LRRC4C: variants seen among roughly 807,000 people sequenced by gnomAD.
The protein encoded by LRRC4C is leucine rich repeat containing 4C, also known as leucine-rich repeat-containing protein 4C.
Under a neutral mutation model 33.6 loss-of-function variants are expected in LRRC4C, and 5 were observed. That is an observed-to-expected ratio of 0.15 (90% CI 0.08 to 0.31). The LOEUF (loss-of-function observed/expected upper bound fraction) is 0.31, where lower values mean the gene tolerates loss of function less well. LRRC4C is among the 10% of genes least tolerant of loss of function. LRRC4C has a pLI of 1.00. For missense variants in LRRC4C, 560 were observed against 796.7 expected (o/e 0.70, Z 3.58); for synonymous variants, 329 against 302.0 (o/e 1.09, Z -0.93).
intron 1 of LRRC4C, among the ~76,000 whole-genome samples, chr11:41,397,429 T>C (rs1222421959): frequency 2.0e-5 from 3 of 152,092 alleles, no homozygotes; most frequent in East Asian, 3.9e-4. Flanking sequence ...TTATCTTCCT[T>C]ATAATTTTCT....
chr11:41,039,339 T>C (rs1285398420), intron 1 of LRRC4C, among the ~76,000 whole-genome samples: 1 of 152,212 alleles, frequency 6.6e-6, no homozygotes, highest in Non-Finnish European at 1.5e-5. Context: ...ATGACCTTTT[T>C]TGTGTACAAA....
intron 1 of LRRC4C, among the ~76,000 whole-genome samples, chr11:41,265,857 C>T (rs1949131804): frequency 8.5e-6 from 1 of 118,026 alleles, no homozygotes; most frequent in African/African-American, 3.3e-5. Flanking sequence ...GGATGTAATG[C>T]CCATGGGTCT....
intron 1 of LRRC4C, among the ~76,000 whole-genome samples, chr11:40,963,596 A>T (rs1175851666): frequency 2.6e-5 from 4 of 151,784 alleles, no homozygotes; most frequent in African/African-American, 9.7e-5. Flanking sequence ...GCCTGTAAAG[A>T]ATTATTTTTC....
At chr11:41,078,372 A>G (rs572523582) in intron 1 of LRRC4C, among the ~76,000 whole-genome samples, 1 of 152,294 alleles carries the variant, frequency 6.6e-6, no homozygotes, top group Admixed American at 6.5e-5. Flanking sequence ...AATTTTCTGT[A>G]TCAGTTCATT....
At chr11:40,495,827 T>TTTTTTTG (rs1954416297) in intron 3 of LRRC4C, among the ~76,000 whole-genome samples, 1 of 45,040 alleles carries the variant, frequency 2.2e-5, no homozygotes, top group African/African-American at 7.3e-5. Flanking sequence ...TTTTTTTTTT[T>TTTTTTTG]TTTTTTTTTT....
chr11:40,981,338 C>T (rs576740285), intron 1 of LRRC4C, among the ~76,000 whole-genome samples: 14 of 151,428 alleles, frequency 9.2e-5, no homozygotes, highest in African/African-American at 2.7e-4. Flanking sequence ...CGCTTGAGCC[C>T]GGGAGGCGGA....
intron 1 of LRRC4C, among the ~76,000 whole-genome samples, chr11:41,044,706 G>A (rs1025096286): frequency 2.6e-5 from 4 of 152,064 alleles, no homozygotes; most frequent in Non-Finnish European, 4.4e-5. Flanking sequence ...CAAGTAGAAC[G>A]CAGTTATGTG....
At chr11:40,361,937 A>G (rs955246008) in intron 3 of LRRC4C, among the ~76,000 whole-genome samples, 1 of 152,168 alleles carries the variant, frequency 6.6e-6, no homozygotes, top group Non-Finnish European at 1.5e-5. Flanking sequence ...GGAACAGAAT[A>G]GAGAACCCAG....
chr11:40,195,105 AG>A (rs1862157246), intron 5 of LRRC4C, among the ~76,000 whole-genome samples: 1 of 151,872 alleles, frequency 6.6e-6, no homozygotes, highest in African/African-American at 2.4e-5. Context: ...AAAAAAAAAA[AG>A]AAAGAAAAAA....
chr11:40,549,911 G>T (rs1024888919), intron 3 of LRRC4C, among the ~76,000 whole-genome samples: 2 of 151,958 alleles, frequency 1.3e-5, no homozygotes, highest in Non-Finnish European at 2.9e-5. Flanking sequence ...TCATATCAGA[G>T]CATAAACTCT....
At chr11:40,696,549 T>C (rs970762716) in intron 2 of LRRC4C, among the ~76,000 whole-genome samples, 9 of 149,076 alleles carry the variant, frequency 6.0e-5, no homozygotes, top group Non-Finnish European at 1.2e-4. Flanking sequence ...TATTTTTCTT[T>C]TTATTGACTC....
Position 40,114,990 on chromosome 11 carries a change from T to C in LRRC4C, c.1303A>G (p.Thr435Ala). 1 of 1,614,242 alleles carries C rather than the reference T, an allele frequency of 6.2e-7. No homozygotes were observed. Among genetic ancestry groups the C allele is most frequent in the East Asian group, 2.2e-5 (1 of 44,882 alleles). ...TCMVSNSVGN[T>A]TASATLNVTA... ...ACATTCAGGGTGGCTGAAGCAGTAG[T>C]ATTCCCAACGGAATTACTCACCATA... Residue 435 changes from threonine to alanine, a missense_variant, in exon 7 of 7, where the codon ACT (threonine) becomes GCT (alanine). By Grantham distance (58) the Thr-to-Ala change is moderately conservative. Around this residue, in one of 3 missense-constraint regions of LRRC4C, gnomAD observed 455 missense variants for 643.8 expected, o/e 0.71. Coordinates refer to ENST00000528697, the MANE Select transcript of LRRC4C (RefSeq NM_001258419.2).
At chr11:40,815,005 C>T (rs987130100) in intron 2 of LRRC4C, among the ~76,000 whole-genome samples, 9 of 152,084 alleles carry the variant, frequency 5.9e-5, no homozygotes, top group Admixed American at 1.3e-4. Flanking sequence ...GTTCCAAAGT[C>T]GCTTCCACAT....
In LRRC4C at chr11:40,254,137, T is replaced by C. The variant is rs188163948; in HGVS notation, c.-175-12539A>G. 1.3e-5 allele frequency among the ~76,000 whole-genome samples: 2 copies of C among 152,340 alleles called. 1 individual carries two copies. The highest frequency in any genetic ancestry group is 3.9e-4 in the East Asian group (2 of 5,186). On this transcript the variant is annotated intron_variant, in intron 4 of 6. Coordinates refer to ENST00000528697, the MANE Select transcript of LRRC4C (RefSeq NM_001258419.2). ...AGGTAACACTTGAATCCTGGTTGTG[T>C]GCCCAGAAAGGTGTGGCAATGCCAA...
intron 2 of LRRC4C, among the ~76,000 whole-genome samples, chr11:40,769,265 T>C (rs1406788388): frequency 6.6e-6 from 1 of 151,928 alleles, no homozygotes; most frequent in Non-Finnish European, 1.5e-5. Flanking sequence ...AAAAATAAAC[T>C]GATGCAAAGA....
chr11:40,145,332 G>A (rs911880645), intron 5 of LRRC4C, among the ~76,000 whole-genome samples: 6 of 152,028 alleles, frequency 3.9e-5, no homozygotes, highest in African/African-American at 1.4e-4. Context: ...AGTTTCCAAA[G>A]AGAAATAATG....
intron 1 of LRRC4C, among the ~76,000 whole-genome samples, chr11:41,173,235 T>C (rs1270947500): frequency 6.6e-6 from 1 of 152,166 alleles, no homozygotes; most frequent in Non-Finnish European, 1.5e-5. Flanking sequence ...TAGTGCATTA[T>C]GATTGTCTAG....
intron 4 of LRRC4C, among the ~76,000 whole-genome samples, chr11:40,256,548 A>T (rs1432635915): frequency 6.6e-6 from 1 of 152,154 alleles, no homozygotes; most frequent in Non-Finnish European, 1.5e-5. Context: ...AAGTAATTCC[A>T]CTTGTATAAG....
chr11:40,499,687 A>G (rs1414273254), intron 3 of LRRC4C, among the ~76,000 whole-genome samples: 2 of 152,198 alleles, frequency 1.3e-5, no homozygotes, highest in African/African-American at 4.8e-5. Flanking sequence ...TAAATTGGGT[A>G]ACTCTTGGGA....
Sources: gnomAD v4.1 joint callset for allele counts (sites outside exome capture counted in the v4.1 genomes callset) on GRCh38, gnomAD v4.1.1 for gene constraint, gnomAD v4.1.1 regional missense constraint, MANE v1.5 for transcripts, NCBI Gene and HGNC (gene_info 2026-07-23, HGNC 2026-07-21) for gene names.